The following MLF1 variants were observed in gnomAD, a reference collection of about 807,000 sequenced individuals.
MLF1 encodes the protein myeloid leukemia factor 1.
A neutral mutation model predicts 38.3 loss-of-function variants in MLF1; 37 were observed. That is an observed-to-expected ratio of 0.96 (90% confidence interval 0.74 to 1.27). MLF1 has a LOEUF of 1.27. MLF1 is among the 50% of genes most tolerant of loss of function. MLF1 has a pLI of 0.00. For missense variants in MLF1, 331 were observed against 349.2 expected (o/e 0.95, Z 0.42); for synonymous variants, 95 against 106.5 (o/e 0.89, Z 0.66).
In MLF1 at chr3:158,604,041, C is replaced by G. The variant is rs531368819; in HGVS notation, c.747-1056C>G. On this transcript the variant is annotated intron_variant, in intron 7 of 7. Transcript: ENST00000466246. ...GGAAAATTGCTACAGAAGGTGGAAG[C>G]CTTCACAGAACTAGCAGTGGACAAG... Among the ~76,000 whole-genome samples the G allele has an allele frequency of 7.9e-5, 12 of 152,232 alleles. No homozygotes were observed. In the South Asian group the frequency reaches 2.5e-3, roughly 32 times the overall value.
chr3:158,576,388 A>G (rs150038580), intron 1 of MLF1, among the ~76,000 whole-genome samples: 232 of 152,316 alleles, frequency 1.5e-3, no homozygotes, highest in African/African-American at 5.5e-3. Flanking sequence ...TGCTAACAAT[A>G]TGCATATTGT....
At position 158,591,094 on chromosome 3, in the gene MLF1, A is replaced by G. The variant is rs764884040; in HGVS notation, c.48-1340A>G. ...CTTTCTACTTGGACTTATGAGCAGA[A>G]GACAGAATTTTTGAGCTTCCTCCTT... On this transcript the variant is annotated intron_variant, in intron 1 of 7. Transcript: ENST00000466246. 5.8e-6 allele frequency: 3 copies of G among 514,394 alleles called. No homozygotes were observed. In the East Asian group the frequency reaches 1.6e-4, roughly 28 times the overall value. The allele number at this position is 514,394 out of a possible 1,614,324, so 31.9% of individuals were successfully genotyped here. A position where few individuals can be genotyped will look rare whatever the true frequency, so the allele number is the denominator to read the frequency against.
chr3:158,604,981 G>A (rs1464243301), intron 7 of MLF1, 116 bp from the exon 8 acceptor site: 1 of 791,472 alleles, frequency 1.3e-6, no homozygotes, highest in Non-Finnish European at 2.0e-6. Flanking sequence ...AGCCATTAAG[G>A]AATTTTTAAG....
chr3:158,582,032 T>C (rs1256634175), intron 1 of MLF1, among the ~76,000 whole-genome samples: 2 of 151,902 alleles, frequency 1.3e-5, no homozygotes, highest in Non-Finnish European at 2.9e-5. Flanking sequence ...ATACAAAAAT[T>C]AGCCGGGCGT....
At chr3:158,575,600 T>TA (rs1715306752) in intron 1 of MLF1, among the ~76,000 whole-genome samples, 1 of 152,108 alleles carries the variant, frequency 6.6e-6, no homozygotes. Context: ...CTTAGGAACA[T>TA]AGAGATGTGA....
chr3:158,576,318 GC>G (rs1715416720), intron 1 of MLF1, among the ~76,000 whole-genome samples: 1 of 152,136 alleles, frequency 6.6e-6, no homozygotes, highest in Admixed American at 6.5e-5. Flanking sequence ...AAGGTTAAAA[GC>G]TAGCACTTCC....
rs141252457 is a variant in MLF1 at position 158,578,848 on chromosome 3, A to G, written c.47+7501A>G. On this transcript the variant is annotated intron_variant, in intron 1 of 7. Transcript: ENST00000466246. The stretch of plus-strand genomic sequence containing the variant: ...AAAGTTTGGTAGCAGAAATAATACA[A>G]CCCATTATTTTGATGTATTTTGTTT... Among the ~76,000 whole-genome samples the G allele has an allele frequency of 2.0e-3, 298 of 152,248 alleles. 1 individual carries two copies. The Middle Eastern group carries it at 0.031, about 16-fold the overall frequency.
At chr3:158,587,390 C>G (rs1477200123) in intron 1 of MLF1, among the ~76,000 whole-genome samples, 1 of 152,184 alleles carries the variant, frequency 6.6e-6, no homozygotes, top group Non-Finnish European at 1.5e-5. Flanking sequence ...GCGTAGGTAA[C>G]CAGCTCCAGG....
intron 3 of MLF1, among the ~76,000 whole-genome samples, chr3:158,593,735 C>T (rs1021327854): frequency 5.3e-5 from 8 of 152,228 alleles, no homozygotes; most frequent in Admixed American, 2.0e-4. Flanking sequence ...GGGACTTCCA[C>T]ATGCTTATGA....
intron 1 of MLF1, among the ~76,000 whole-genome samples, chr3:158,585,635 A>C (rs1717137929): frequency 6.6e-6 from 1 of 152,214 alleles, no homozygotes; most frequent in Admixed American, 6.5e-5. Context: ...AAAATGAGTT[A>C]AGCAGAATGT....
chr3:158,604,674 A>C (rs533215698), intron 7 of MLF1, among the ~76,000 whole-genome samples: 1 of 151,848 alleles, frequency 6.6e-6, no homozygotes, highest in Non-Finnish European at 1.5e-5. Flanking sequence ...GTTTTAGGGC[A>C]GGGGGTACAG....
chr3:158,603,636 G>A (rs577810404), intron 7 of MLF1, among the ~76,000 whole-genome samples: 5 of 152,110 alleles, frequency 3.3e-5, no homozygotes, highest in Admixed American at 6.5e-5. Context: ...TCAGGAGTTC[G>A]ATACCAGCCT....
chr3:158,585,679 A>ATT (rs1717143683), intron 1 of MLF1, among the ~76,000 whole-genome samples: 1 of 152,220 alleles, frequency 6.6e-6, no homozygotes, highest in Non-Finnish European at 1.5e-5. Flanking sequence ...AAGCTTGGAA[A>ATT]TTGAGTCAAG....
At position 158,598,090 on chromosome 3, in the gene MLF1, C is replaced by T. The variant is rs1576683098; in HGVS notation, c.335C>T (p.Ser112Leu). ...QKLERNFGQL[S>L]VDPNGHSFCS... ...TTTGTTTACCTGTAGGGTCAACTTT[C>T]AGTGGATCCAAATGGACATTCATTT... Residue 112 changes from serine to leucine, a missense_variant, in exon 5 of 8, where the codon TCA (serine) becomes TTA (leucine). By Grantham distance (145) the Ser-to-Leu change is moderately radical. Coordinates refer to ENST00000466246, the MANE Select transcript of MLF1 (RefSeq NM_001369783.1). 2 of 1,612,832 alleles carry T rather than the reference C, an allele frequency of 1.2e-6. No individual in the cohort carries two copies. Among genetic ancestry groups the T allele is most frequent in the Non-Finnish European group, 1.7e-6 (2 of 1,179,590 alleles).
intron 7 of MLF1, among the ~76,000 whole-genome samples, chr3:158,603,369 T>A (rs1720074397): frequency 6.6e-6 from 1 of 152,224 alleles, no homozygotes; most frequent in Non-Finnish European, 1.5e-5. Flanking sequence ...AATCAAAATT[T>A]AGCATTTAAT....
At chr3:158,598,799 C>T (rs1051205604) in intron 5 of MLF1, among the ~76,000 whole-genome samples, 1 of 152,114 alleles carries the variant, frequency 6.6e-6, no homozygotes, top group African/African-American at 2.4e-5. Flanking sequence ...TCAGAGATTA[C>T]CATTTTCCTG....
chr3:158,591,798 T>C (rs1313107983), intron 1 of MLF1, among the ~76,000 whole-genome samples: 5 of 152,070 alleles, frequency 3.3e-5, no homozygotes, highest in Non-Finnish European at 7.4e-5. Flanking sequence ...AGGGTAAATA[T>C]CAGATTATAG....
intron 7 of MLF1, 25 bp downstream of exon 7, chr3:158,602,964 TG>T (rs1560114014): frequency 6.3e-7 from 1 of 1,588,568 alleles, no homozygotes; most frequent in Admixed American, 1.8e-5. Context: ...TAAAATAGTT[TG>T]GTTTTTTAAG....
At chr3:158,582,983 T>C in intron 1 of MLF1, 2 of 622,370 alleles carry the variant, frequency 3.2e-6, no homozygotes, top group Admixed American at 2.9e-5. Context: ...TAGATAACAG[T>C]TTGTTCAAAT....
Sources: gnomAD v4.1 joint callset for allele counts (sites outside exome capture counted in the v4.1 genomes callset) on GRCh38, gnomAD v4.1.1 for gene constraint, MANE v1.5 for transcripts, NCBI Gene and HGNC (gene_info 2026-07-23, HGNC 2026-07-21) for gene names.